The following RAB2A variants were observed in gnomAD, a reference collection of about 807,000 sequenced individuals.
RAB2A encodes the protein RAB2A, member RAS oncogene family.
Under a neutral mutation model 32.5 loss-of-function variants are expected in RAB2A, and 7 were observed. That is an observed-to-expected ratio of 0.22 (90% CI 0.12 to 0.40). The LOEUF is 0.40. RAB2A is among the 10% of genes least tolerant of loss of function. RAB2A has a pLI of 1.00. For missense variants in RAB2A, 108 were observed against 260.7 expected, an observed-to-expected ratio of 0.41 and a Z score of 4.03; for synonymous variants, 79 against 85.2, an observed-to-expected ratio of 0.93 and a Z score of 0.40.
intron 1 of RAB2A, among the ~76,000 whole-genome samples, chr8:60,533,453 T>G (rs1033212567): frequency 6.6e-6 from 1 of 152,208 alleles, no homozygotes; most frequent in Non-Finnish European, 1.5e-5. Context: ...AATAATGACT[T>G]TCAGATACTT....
chr8:60,589,857 A>G (rs572573291), intron 5 of RAB2A, among the ~76,000 whole-genome samples: 90 of 152,376 alleles, frequency 5.9e-4, no homozygotes, highest in Non-Finnish European at 1.0e-3. Flanking sequence ...ACACCTACAC[A>G]TATAACAAAA....
At chr8:60,545,440 G>A (rs1051397464) in intron 1 of RAB2A, among the ~76,000 whole-genome samples, 4 of 151,830 alleles carry the variant, frequency 2.6e-5, no homozygotes, top group Non-Finnish European at 5.9e-5. Context: ...CTACTGCCAT[G>A]CACCACCATA....
chr8:60,553,798 C>T (rs1476074998), intron 1 of RAB2A, among the ~76,000 whole-genome samples: 1 of 151,998 alleles, frequency 6.6e-6, no homozygotes, highest in Non-Finnish European at 1.5e-5. Flanking sequence ...CATTCATTGG[C>T]GTATATGATT....
chr8:60,604,071 AC>A (rs967574401), intron 6 of RAB2A, among the ~76,000 whole-genome samples: 2 of 152,174 alleles, frequency 1.3e-5, no homozygotes, highest in Non-Finnish European at 2.9e-5. Context: ...TTAACACCAT[AC>A]CGCTTGGTGC....
chr8:60,523,400 G>A (rs369171841), intron 1 of RAB2A, among the ~76,000 whole-genome samples: 2 of 150,530 alleles, frequency 1.3e-5, no homozygotes, highest in East Asian at 2.0e-4. Context: ...CTCGTGATCC[G>A]CCCGCCTCTG....
chr8:60,526,032 T>C (rs1267788103), intron 1 of RAB2A, among the ~76,000 whole-genome samples: 4 of 109,368 alleles, frequency 3.7e-5, no homozygotes, highest in African/African-American at 1.7e-4. Flanking sequence ...TATATATATA[T>C]ATATATATAT....
intron 5 of RAB2A, among the ~76,000 whole-genome samples, chr8:60,587,167 C>A (rs992720886): frequency 7.9e-5 from 12 of 152,032 alleles, no homozygotes; most frequent in Non-Finnish European, 1.6e-4. Context: ...CATAAGCAGA[C>A]ATAGATCAGT....
At chr8:60,567,146 TCA>T in intron 2 of RAB2A, among the ~76,000 whole-genome samples, 1 of 150,742 alleles carries the variant, frequency 6.6e-6, no homozygotes, top group Non-Finnish European at 1.5e-5. Flanking sequence ...AGACAGAGTC[TCA>T]TTCAGTTGCC....
At chr8:60,587,700 T>TG (rs1803873209) in intron 5 of RAB2A, among the ~76,000 whole-genome samples, 1 of 152,188 alleles carries the variant, frequency 6.6e-6, no homozygotes. Flanking sequence ...CATTCCACAG[T>TG]GTATATATAC....
rs80026410 is a variant in RAB2A, at chr8:60,561,665, C to T, written c.118+2742C>T. On this transcript the variant is annotated intron_variant, in intron 2 of 7. Coordinates refer to ENST00000262646, the MANE Select transcript of RAB2A (RefSeq NM_002865.3). ...TCAGGAGAGCAGAGATTCTCTTTAA[C>T]TCAATTTGAAGTTTCCTAGGGACGA... Among the ~76,000 whole-genome samples the T allele has an allele frequency of 3.9e-3, 591 of 152,310 alleles. 5 individuals are homozygous for T. Among genetic ancestry groups the T allele is most frequent in the African/African-American group, 0.013 (553 of 41,564 alleles).
chr8:60,550,456 C>T (rs1382880413), intron 1 of RAB2A, among the ~76,000 whole-genome samples: 2 of 149,402 alleles, frequency 1.3e-5, no homozygotes, highest in Admixed American at 6.7e-5. Flanking sequence ...GTGATCTCGG[C>T]TCGCTGCAAC....
Position 60,573,925 on chromosome 8 carries a change from G to C in RAB2A, c.186+1812G>C, listed in dbSNP as rs1278391414. 2.0e-5 allele frequency among the ~76,000 whole-genome samples: 3 copies of C among 152,316 alleles called. No homozygotes were observed. The East Asian group carries it at 5.8e-4, about 29-fold the overall frequency. On this transcript the variant is annotated intron_variant, in intron 3 of 7. Coordinates refer to ENST00000262646, the MANE Select transcript of RAB2A (RefSeq NM_002865.3). ...AGTCTCCTGAATAGCTAGGACTACA[G>C]GCGTGCACCACCACACCCGGCTGAG...
At chr8:60,604,650 C>G (rs1804195591) in intron 6 of RAB2A, among the ~76,000 whole-genome samples, 1 of 152,134 alleles carries the variant, frequency 6.6e-6, no homozygotes, top group South Asian at 2.1e-4. Context: ...TGCGTTGTGC[C>G]CCTGCCCTAG....
At chr8:60,536,298 GTTAAT>G (rs1365071022) in intron 1 of RAB2A, among the ~76,000 whole-genome samples, 1 of 143,148 alleles carries the variant, frequency 7.0e-6, no homozygotes, top group Non-Finnish European at 1.6e-5. Flanking sequence ...TTTGGCTCTT[GTTAAT>G]TTAATCTGTC....
At chr8:60,572,229 C>G (rs3735825) in intron 3 of RAB2A, 116 bp downstream of exon 3, 278,923 of 702,540 alleles carry the variant, frequency 0.4, 57,462 homozygotes, top group East Asian at 0.57. Context: ...CACTGACTTC[C>G]TGCAGCCATG....
At chr8:60,601,425 C>T (rs1186028518) in intron 6 of RAB2A, among the ~76,000 whole-genome samples, 1 of 152,104 alleles carries the variant, frequency 6.6e-6, no homozygotes, top group Non-Finnish European at 1.5e-5. Context: ...GCAACCTTCA[C>T]CTCCCAGGTT....
At chr8:60,618,507 T>G (rs1804484303) in intron 6 of RAB2A, 73 bp from the exon 7 acceptor site, 1 of 734,384 alleles carries the variant, frequency 1.4e-6, no homozygotes, top group Admixed American at 3.6e-5. Flanking sequence ...GTTATGATAT[T>G]CTATAGAGCA....
At chr8:60,609,922 G>T (rs1173924956) in intron 6 of RAB2A, among the ~76,000 whole-genome samples, 2 of 142,970 alleles carry the variant, frequency 1.4e-5, no homozygotes, top group African/African-American at 2.6e-5. Context: ...TCATGCCACT[G>T]CACTCCAGCC....
chr8:60,535,997 T>A (rs996652827), intron 1 of RAB2A, among the ~76,000 whole-genome samples: 2 of 152,242 alleles, frequency 1.3e-5, no homozygotes, highest in African/African-American at 2.4e-5. Context: ...CACCTACTCC[T>A]GCTTTGATGA....
Sources: allele counts gnomAD v4.1 joint callset (sites outside exome capture counted in the v4.1 genomes callset), GRCh38; gene constraint gnomAD v4.1.1; transcripts MANE v1.5; gene names NCBI Gene and HGNC (gene_info 2026-07-23, HGNC 2026-07-21).